The following ARHGEF26 variants were observed in gnomAD, a reference collection of about 807,000 sequenced individuals.
ARHGEF26 encodes Rho guanine nucleotide exchange factor (GEF) 26.
Under a neutral mutation model 89.4 loss-of-function variants are expected in ARHGEF26, and 59 were observed. The ratio of observed to expected loss-of-function variants is 0.66; its 90% CI spans 0.54 to 0.82. The LOEUF is 0.82. ARHGEF26 is among the 40% of genes least tolerant of loss of function. The pLI is 0.00. For synonymous variants in ARHGEF26, 500 were observed against 428.4 expected, an observed-to-expected ratio of 1.17 and a Z score of -2.06; for missense variants, 1,234 against 1,085.6, an observed-to-expected ratio of 1.14 and a Z score of -1.92.
intron 6 of ARHGEF26, among the ~76,000 whole-genome samples, chr3:154,167,614 T>G (rs954983096): frequency 2.0e-5 from 3 of 152,188 alleles, no homozygotes; most frequent in African/African-American, 7.2e-5. Flanking sequence ...AAACCAACAT[T>G]TCTGCACTGT....
At chr3:154,140,158 A>C (rs1035362613) in intron 4 of ARHGEF26, among the ~76,000 whole-genome samples, 17 of 152,206 alleles carry the variant, frequency 1.1e-4, no homozygotes, top group Non-Finnish European at 2.4e-4. Context: ...TAGCTCTGGG[A>C]TCATCACAGT....
chr3:154,219,306 C>T (rs986117569), intron 10 of ARHGEF26, among the ~76,000 whole-genome samples: 1 of 152,090 alleles, frequency 6.6e-6, no homozygotes, highest in African/African-American at 2.4e-5. Context: ...TTAAGAAACT[C>T]TGTCTAGGCC....
chr3:154,252,317 TG>T (rs1718206021), intron 12 of ARHGEF26, among the ~76,000 whole-genome samples: 1 of 152,222 alleles, frequency 6.6e-6, no homozygotes, highest in Non-Finnish European at 1.5e-5. Flanking sequence ...GTGCAGTGTC[TG>T]ACATGTAGCA....
At chr3:154,125,659 T>G (rs1718285848) in intron 3 of ARHGEF26, among the ~76,000 whole-genome samples, 1 of 152,158 alleles carries the variant, frequency 6.6e-6, no homozygotes, top group South Asian at 2.1e-4. Flanking sequence ...AGTTTAAAAT[T>G]TTTAGATTTT....
chr3:154,213,579 G>A (rs1364395292), intron 9 of ARHGEF26, among the ~76,000 whole-genome samples: 1 of 152,072 alleles, frequency 6.6e-6, no homozygotes, highest in African/African-American at 2.4e-5. Flanking sequence ...TCAGAATTTG[G>A]AAGTTTAAGA....
At chr3:154,235,959 T>C (rs1717103151) in intron 11 of ARHGEF26, among the ~76,000 whole-genome samples, 1 of 152,194 alleles carries the variant, frequency 6.6e-6, no homozygotes, top group Admixed American at 6.5e-5. Context: ...TCTTCCTGAT[T>C]TCAAAGTAAT....
intron 9 of ARHGEF26, among the ~76,000 whole-genome samples, chr3:154,214,588 A>G (rs889568893): frequency 6.6e-6 from 1 of 152,204 alleles, no homozygotes; most frequent in African/African-American, 2.4e-5. Flanking sequence ...AGGTTTGGTC[A>G]TGCTGAATTT....
chr3:154,219,141 A>C (rs374160579), intron 10 of ARHGEF26, among the ~76,000 whole-genome samples: 14 of 152,366 alleles, frequency 9.2e-5, no homozygotes, highest in African/African-American at 3.1e-4. Flanking sequence ...AACTCTCAGA[A>C]TCTCGTTCTC....
chr3:154,224,355 T>C (rs1485684736), intron 10 of ARHGEF26, among the ~76,000 whole-genome samples: 1 of 152,228 alleles, frequency 6.6e-6, no homozygotes, highest in Admixed American at 6.5e-5. Context: ...AATTTAGTTT[T>C]GCCCCTAGTG....
chr3:154,214,203 T>C (rs953702874), intron 9 of ARHGEF26, among the ~76,000 whole-genome samples: 1 of 152,214 alleles, frequency 6.6e-6, no homozygotes, highest in African/African-American at 2.4e-5. Context: ...GCTAAGACTT[T>C]ATTCTGAAAG....
At chr3:154,235,132 C>G (rs1717044390) in intron 11 of ARHGEF26, among the ~76,000 whole-genome samples, 1 of 151,974 alleles carries the variant, frequency 6.6e-6, no homozygotes, top group Non-Finnish European at 1.5e-5. Flanking sequence ...ATCAACTCAA[C>G]TATTTCTACT....
chr3:154,129,532 A>G lies in ARHGEF26; in HGVS notation c.1124-42A>G, dbSNP rs1313150831. On this transcript the variant is annotated intron_variant, in intron 3 of 14. Transcript: ENST00000465093. ...TTTATTTAGAACAAGTAACATAATG[A>G]TTGAGAACAATTAGTGACACATAGG... 6 of 1,590,876 alleles carry G rather than the reference A, an allele frequency of 3.8e-6. No individual in the cohort carries two copies. In the Admixed American group the frequency reaches 1.1e-4, roughly 28 times the overall value.
intron 4 of ARHGEF26, among the ~76,000 whole-genome samples, chr3:154,133,600 T>C (rs950511470): frequency 6.6e-6 from 1 of 152,006 alleles, no homozygotes; most frequent in Non-Finnish European, 1.5e-5. Context: ...TCATGCTGTT[T>C]GGTTACTGTA....
At chr3:154,201,833 C>T (rs1714661781) in intron 9 of ARHGEF26, among the ~76,000 whole-genome samples, 1 of 152,132 alleles carries the variant, frequency 6.6e-6, no homozygotes, top group Non-Finnish European at 1.5e-5. Context: ...TATCCTTCAC[C>T]CACTTGTTGA....
At chr3:154,121,614 A>T in intron 1 of ARHGEF26, 95 bp downstream of exon 1, 1 of 210,488 alleles carries the variant, frequency 4.8e-6, no homozygotes, top group East Asian at 1.1e-4. Flanking sequence ...TCCCGCGGCG[A>T]GTTTCCCAAG....
At chr3:154,156,704 G>T (rs1432359919) in intron 6 of ARHGEF26, among the ~76,000 whole-genome samples, 2 of 152,128 alleles carry the variant, frequency 1.3e-5, no homozygotes, top group Non-Finnish European at 2.9e-5. Context: ...ATGATGTAAG[G>T]CCTGCTTGTT....
chr3:154,177,645 G>GA (rs767180006), intron 6 of ARHGEF26, among the ~76,000 whole-genome samples: 24 of 152,256 alleles, frequency 1.6e-4, no homozygotes, highest in Non-Finnish European at 3.1e-4. Context: ...GGAATTCCCT[G>GA]AAGGCACTTT....
intron 9 of ARHGEF26, among the ~76,000 whole-genome samples, chr3:154,203,305 G>C (rs1714777123): frequency 6.6e-6 from 1 of 152,130 alleles, no homozygotes; most frequent in Non-Finnish European, 1.5e-5. Flanking sequence ...TACATTTATT[G>C]ATTTGCATAT....
At chr3:154,234,222 A>G (rs1363248439) in intron 11 of ARHGEF26, among the ~76,000 whole-genome samples, 2 of 152,008 alleles carry the variant, frequency 1.3e-5, no homozygotes, top group African/African-American at 4.8e-5. Context: ...GTGCAGTCTA[A>G]CCCTTTCCCT....
Sources: allele counts gnomAD v4.1 joint callset (sites outside exome capture counted in the v4.1 genomes callset), GRCh38; gene constraint gnomAD v4.1.1; transcripts MANE v1.5; gene names NCBI Gene and HGNC (gene_info 2026-07-23, HGNC 2026-07-21).